The following ARHGAP32 variants were observed in gnomAD, a reference collection of about 807,000 sequenced individuals.
ARHGAP32 encodes the protein rho GTPase-activating protein 32.
In ARHGAP32, 51 loss-of-function variants were observed where a neutral mutation model predicts 186.5. The observed-to-expected ratio is 0.27, with a 90% confidence interval of 0.22 to 0.35. The LOEUF (loss-of-function observed/expected upper bound fraction) is 0.35. Among genes scored for constraint, ARHGAP32 ranks in the 10% least tolerant of loss-of-function variants. ARHGAP32 has a pLI of 1.00. For missense variants in ARHGAP32, 2,186 were observed against 2,623.5 expected (o/e 0.83, Z 3.64); for synonymous variants, 950 against 964.3 (o/e 0.99, Z 0.27).
At chr11:129,191,311 A>AAAAGG (rs370509463) in intron 1 of ARHGAP32, among the ~76,000 whole-genome samples, 34,498 of 152,064 alleles carry the variant, frequency 0.23, 4,738 homozygotes, top group Middle Eastern at 0.35. Flanking sequence ...AAGGTATTAC[A>AAAAGG]TCGCTAACTC....
chr11:129,185,930 A>T (rs531536022), intron 1 of ARHGAP32, among the ~76,000 whole-genome samples: 1 of 152,262 alleles, frequency 6.6e-6, no homozygotes, highest in East Asian at 1.9e-4. Flanking sequence ...CATTAATGTA[A>T]AGAAAAGTAT....
chr11:129,084,271 G>A (rs946884686), intron 6 of ARHGAP32, among the ~76,000 whole-genome samples: 3 of 150,912 alleles, frequency 2.0e-5, no homozygotes, highest in Non-Finnish European at 4.4e-5. Flanking sequence ...CAGATGCAGA[G>A]AGAAGTGTCT....
rs1942656092 is a variant in ARHGAP32, at chr11:129,126,180, A to C, written c.226-1286T>G. On this transcript the variant is annotated intron_variant, in intron 2 of 22. Coordinates refer to ENST00000682385, the MANE Select transcript of ARHGAP32 (RefSeq NM_001378024.1). Reference sequence around the variant, plus strand: ...ATAATATCCTAGAAAAAGCGTTGACAAACTTCTTAAAGAGCCAGGCGGTAA... The same window carrying C: ...ATAATATCCTAGAAAAAGCGTTGACCAACTTCTTAAAGAGCCAGGCGGTAA... 1.9e-5 allele frequency: 4 copies of C among 213,566 alleles called. No homozygotes were observed. In the South Asian group the frequency reaches 2.7e-4, roughly 14 times the overall value. The allele number at this position is 213,566 out of a possible 1,614,324, so 13.2% of individuals were successfully genotyped here.
chr11:129,168,723 T>C (rs1286129521), intron 1 of ARHGAP32, among the ~76,000 whole-genome samples: 1 of 152,158 alleles, frequency 6.6e-6, no homozygotes, highest in African/African-American at 2.4e-5. Flanking sequence ...CACATTCTTT[T>C]CAAGCATATA....
intron 2 of ARHGAP32, among the ~76,000 whole-genome samples, chr11:129,148,695 G>T (rs1273738175): frequency 1.3e-5 from 2 of 152,206 alleles, no homozygotes; most frequent in Non-Finnish European, 2.9e-5. Context: ...GAGGGGCAAG[G>T]TGGGAAAGCC....
intron 7 of ARHGAP32, 33 bp from the exon 8 acceptor site, chr11:129,064,966 AAAGAT>A: frequency 6.6e-7 from 1 of 1,505,520 alleles, no homozygotes; most frequent in South Asian, 1.2e-5. Context: ...AACTCTGAGT[AAAGAT>A]ACTATGCTCT....
intron 1 of ARHGAP32, among the ~76,000 whole-genome samples, chr11:129,216,410 A>T (rs558609416): frequency 2.0e-5 from 3 of 152,180 alleles, no homozygotes; most frequent in Admixed American, 2.0e-4. Context: ...GGCCGGTGGC[A>T]GTGGCTCACT....
chr11:128,976,677 T>A, intron 19 of ARHGAP32, 43 bp from the exon 20 acceptor site: 1 of 1,518,156 alleles, frequency 6.6e-7, no homozygotes, highest in Non-Finnish European at 9.1e-7. Context: ...TCTTATTTGT[T>A]ACATATGTGG....
chr11:128,980,456 A>C (rs1172422886), intron 18 of ARHGAP32, 97 bp downstream of exon 18: 4 of 947,222 alleles, frequency 4.2e-6, no homozygotes, highest in Non-Finnish European at 6.2e-6. Flanking sequence ...AATTCAATAG[A>C]GTAATACTAA....
At chr11:129,046,060 GC>G (rs1191577570) in intron 10 of ARHGAP32, among the ~76,000 whole-genome samples, 3 of 152,182 alleles carry the variant, frequency 2.0e-5, no homozygotes, top group Middle Eastern at 3.4e-3. Flanking sequence ...TTAACAACTA[GC>G]TCTCCACGGG....
chr11:128,983,052 G>A (rs1945756698), intron 15 of ARHGAP32, among the ~76,000 whole-genome samples: 1 of 152,108 alleles, frequency 6.6e-6, no homozygotes, highest in Non-Finnish European at 1.5e-5. Flanking sequence ...GAATATCATA[G>A]TTAGACTCGG....
chr11:129,122,175 T>A (rs1326017303), intron 5 of ARHGAP32, among the ~76,000 whole-genome samples: 2 of 152,092 alleles, frequency 1.3e-5, no homozygotes, highest in African/African-American at 4.8e-5. Context: ...TTATTTTAAA[T>A]CAGATGCTTT....
At chr11:129,005,374 T>C (rs1307666870) in intron 11 of ARHGAP32, among the ~76,000 whole-genome samples, 1 of 152,198 alleles carries the variant, frequency 6.6e-6, no homozygotes, top group East Asian at 1.9e-4. Context: ...AATTTCTTAT[T>C]GTTCATTAAT....
At position 128,986,084 on chromosome 11, in the gene ARHGAP32, T is replaced by C. The variant is rs1945865660; in HGVS notation, c.1445A>G (p.Asp482Gly). The C allele has an allele frequency of 1.2e-6, 2 of 1,603,968 alleles. No homozygotes were observed. Among genetic ancestry groups the C allele is most frequent in the Non-Finnish European group, 1.7e-6 (2 of 1,176,858 alleles). ...TTCATCTGTTGCTGCTGAAACTGCA[T>C]CCTAGAAGAGTCACAGTACAAAATA... is the stretch of plus-strand genomic sequence containing the variant. ...LTYQLYEKFSDAVSAATDEER... is the reference protein window; with the variant it reads ...LTYQLYEKFSGAVSAATDEER... The change falls in exon 15 of 23, where the codon GAT (aspartate) becomes GGT (glycine). Residue 482 changes from aspartate (D) to glycine (G), a missense_variant and splice_region_variant. Coordinates refer to ENST00000682385, the MANE Select transcript of ARHGAP32 (RefSeq NM_001378024.1).
chr11:128,988,514 C>T (rs1242193807), intron 12 of ARHGAP32, among the ~76,000 whole-genome samples: 1 of 152,176 alleles, frequency 6.6e-6, no homozygotes, highest in African/African-American at 2.4e-5. Flanking sequence ...AGCTGACTTT[C>T]ATATATAGCA....
rs138226780 is a variant in ARHGAP32 at position 128,988,252 on chromosome 11, A to C, written c.1196-127T>G. The C allele has an allele frequency of 7.8e-6, 5 of 642,686 alleles. No homozygotes were observed. The East Asian group carries it at 1.4e-4, about 18-fold the overall frequency. The allele number at this position is 642,686 out of a possible 1,614,324, so 39.8% of individuals were successfully genotyped here. A position where few individuals can be genotyped will look rare whatever the true frequency, so the allele number is the denominator to read the frequency against. ...TTGTAAATTAAAGTTAAAAGGAGCA[A>C]AAATTAATCCACTACAAAAAATGAT... On this transcript the variant is annotated intron_variant, in intron 12 of 22. Coordinates refer to ENST00000682385, the MANE Select transcript of ARHGAP32 (RefSeq NM_001378024.1).
chr11:128,995,831 C>T (rs1043144919), intron 12 of ARHGAP32, among the ~76,000 whole-genome samples: 4 of 152,158 alleles, frequency 2.6e-5, no homozygotes, highest in African/African-American at 9.7e-5. Context: ...AGAGTGAAAC[C>T]CCATCTCAAA....
intron 1 of ARHGAP32, among the ~76,000 whole-genome samples, chr11:129,240,936 A>G (rs1945008482): frequency 6.6e-6 from 1 of 152,234 alleles, no homozygotes; most frequent in Admixed American, 6.5e-5. Flanking sequence ...TGGGAATCCA[A>G]AAGAGAGGAC....
rs771717145 is a variant in ARHGAP32, at chr11:128,969,462, C to T, written c.5751G>A (p.Gln1917=). ...NGPPYPQGAG[Q]LDYGSKGIPD... ...GAATCCCTTTGGACCCATAATCTAACTGGCCAGCTCCCTGGGGATAAGGGG... is the reference window on the plus strand; with the variant it reads ...GAATCCCTTTGGACCCATAATCTAATTGGCCAGCTCCCTGGGGATAAGGGG... The change falls in exon 23 of 23, where the codon CAG becomes CAA. Residue 1917 remains glutamine (Q), a synonymous_variant. Coordinates refer to ENST00000682385, the MANE Select transcript of ARHGAP32 (RefSeq NM_001378024.1). The surrounding 1 kb of genome is among the most constrained non-coding windows in gnomAD (Gnocchi z 4.8). 3.7e-6 allele frequency: 6 copies of T among 1,614,220 alleles called. No homozygotes were observed. The highest frequency in any genetic ancestry group is 1.7e-5 in the Admixed American group (1 of 60,030).
Sources: allele counts gnomAD v4.1 joint callset (sites outside exome capture counted in the v4.1 genomes callset), GRCh38; gene constraint gnomAD v4.1.1; non-coding constraint Gnocchi (gnomAD v3.1); transcripts MANE v1.5; gene names NCBI Gene and HGNC (gene_info 2026-07-23, HGNC 2026-07-21).